Variants in PRKN observed in about 807,000 individuals in gnomAD.
The protein encoded by PRKN is parkin RBR E3 ubiquitin protein ligase, also known as E3 ubiquitin-protein ligase parkin.
Under a neutral mutation model 59.5 loss-of-function variants are expected in PRKN, and 56 were observed. The observed-to-expected ratio is 0.94, with a 90% confidence interval of 0.76 to 1.18. The LOEUF (loss-of-function observed/expected upper bound fraction) is 1.18. PRKN is among the 50% of genes most tolerant of loss of function. PRKN has a pLI of 0.00. For synonymous variants in PRKN, 250 were observed against 222.1 expected, an observed-to-expected ratio of 1.13 and a Z score of -1.12; for missense variants, 657 against 596.4, an observed-to-expected ratio of 1.10 and a Z score of -1.06.
chr6:161,849,157 T>G (rs1340855207), intron 6 of PRKN, among the ~76,000 whole-genome samples: 1 of 152,200 alleles, frequency 6.6e-6, no homozygotes, highest in Non-Finnish European at 1.5e-5. Context: ...CTCCTCTTCC[T>G]TCTTTTTCTT....
chr6:161,833,229 C>A (rs889712464), intron 6 of PRKN, among the ~76,000 whole-genome samples: 2 of 151,344 alleles, frequency 1.3e-5, no homozygotes, highest in Non-Finnish European at 2.9e-5. Context: ...CCTAAGAAGC[C>A]GTGATCCCTG....
chr6:162,635,676 T>C (rs570162659), intron 1 of PRKN, among the ~76,000 whole-genome samples: 14 of 152,302 alleles, frequency 9.2e-5, no homozygotes, highest in Admixed American at 7.2e-4. Flanking sequence ...ACTGTCATTA[T>C]GATTTAAGAG....
intron 9 of PRKN, among the ~76,000 whole-genome samples, chr6:161,496,782 G>C (rs1391764721): frequency 6.6e-6 from 1 of 152,190 alleles, no homozygotes; most frequent in East Asian, 1.9e-4. Flanking sequence ...AAGAAGAGGA[G>C]GGAGACACAG....
At chr6:162,578,794 G>A (rs1780664208) in intron 1 of PRKN, among the ~76,000 whole-genome samples, 1 of 152,028 alleles carries the variant, frequency 6.6e-6, no homozygotes, top group African/African-American at 2.4e-5. Flanking sequence ...TCATCAAAAT[G>A]CAAAATTTCT....
chr6:162,447,997 C>G (rs1790404447), intron 1 of PRKN, among the ~76,000 whole-genome samples: 1 of 152,172 alleles, frequency 6.6e-6, no homozygotes, highest in South Asian at 2.1e-4. Flanking sequence ...CAAATAACAT[C>G]ATGTGATGCC....
chr6:162,707,442 G>C (rs1778376373), intron 1 of PRKN, among the ~76,000 whole-genome samples: 1 of 151,992 alleles, frequency 6.6e-6, no homozygotes, highest in Non-Finnish European at 1.5e-5. Flanking sequence ...GCAGGAAAAA[G>C]GACACACATT....
At chr6:162,320,724 A>C (rs1383006082) in intron 2 of PRKN, among the ~76,000 whole-genome samples, 2 of 151,812 alleles carry the variant, frequency 1.3e-5, no homozygotes, top group Non-Finnish European at 2.9e-5. Context: ...TTCCACTCTT[A>C]GGTATTACCC....
At chr6:162,276,094 GCTT>G (rs1158232197) in intron 2 of PRKN, among the ~76,000 whole-genome samples, 40 of 152,124 alleles carry the variant, frequency 2.6e-4, no homozygotes, top group Admixed American at 6.6e-4. Context: ...ACGTCTGTCA[GCTT>G]TTTCAGTGAC....
chr6:161,714,606 A>G (rs1444047519), intron 7 of PRKN, among the ~76,000 whole-genome samples: 1 of 152,324 alleles, frequency 6.6e-6, no homozygotes, highest in East Asian at 1.9e-4. Flanking sequence ...ACAGACTAAG[A>G]CAGGGAGTGT....
intron 6 of PRKN, among the ~76,000 whole-genome samples, chr6:161,820,244 C>T (rs1791965815): frequency 6.6e-6 from 1 of 151,860 alleles, no homozygotes; most frequent in Non-Finnish European, 1.5e-5. Flanking sequence ...AATGGGTTCA[C>T]TCATACATTG....
chr6:162,720,169 T>G (rs925713569), intron 1 of PRKN, among the ~76,000 whole-genome samples: 2 of 152,162 alleles, frequency 1.3e-5, no homozygotes, highest in Admixed American at 6.5e-5. Context: ...TCAACAATTA[T>G]GTAAATAAAT....
At chr6:162,144,468 T>C (rs1781921981) in intron 4 of PRKN, among the ~76,000 whole-genome samples, 1 of 152,086 alleles carries the variant, frequency 6.6e-6, no homozygotes, top group African/African-American at 2.4e-5. Flanking sequence ...AACTTACAGA[T>C]GAGATCGAGG....
At chr6:162,579,718 A>C (rs1387307445) in intron 1 of PRKN, among the ~76,000 whole-genome samples, 1 of 152,074 alleles carries the variant, frequency 6.6e-6, no homozygotes, top group Non-Finnish European at 1.5e-5. Flanking sequence ...TCACACACAC[A>C]AAATCACACA....
At chr6:162,065,885 G>C (rs1778317590) in intron 4 of PRKN, among the ~76,000 whole-genome samples, 1 of 152,120 alleles carries the variant, frequency 6.6e-6, no homozygotes, top group Admixed American at 6.6e-5. Flanking sequence ...CCATGTCTCT[G>C]CAAAGGACAT....
intron 4 of PRKN, among the ~76,000 whole-genome samples, chr6:162,156,691 T>C (rs2849585): frequency 0.94 from 142,750 of 152,190 alleles, 67,453 homozygotes; most frequent in Non-Finnish European, 1. Context: ...TCCACTGACT[T>C]AAAAGTTAAT....
In PRKN at chr6:161,373,822, A is replaced by G. The variant is rs562131031; in HGVS notation, c.1167+12972T>C. Among the ~76,000 whole-genome samples, 10 of 152,118 alleles carry G rather than the reference A, an allele frequency of 6.6e-5. No homozygotes were observed. Among genetic ancestry groups the G allele is most frequent in the African/African-American group, 2.4e-4 (10 of 41,502 alleles). On this transcript the variant is annotated intron_variant, in intron 10 of 11. Coordinates refer to ENST00000366898, the MANE Select transcript of PRKN (RefSeq NM_004562.3). The surrounding 1 kb of genome is among the most constrained non-coding windows in gnomAD (Gnocchi z 4.8). ...CTGCCAGCCCCGTTTTTAATGAAGG[A>G]ATTATGGGGGCCAGGATCCAGCTGT...
chr6:161,733,103 G>C (rs948422731), intron 7 of PRKN, among the ~76,000 whole-genome samples: 7 of 152,124 alleles, frequency 4.6e-5, no homozygotes, highest in African/African-American at 1.7e-4. Flanking sequence ...ATGCTACTGG[G>C]TATATGAGGT....
At chr6:162,608,385 G>GA (rs1782006536) in intron 1 of PRKN, among the ~76,000 whole-genome samples, 1 of 152,174 alleles carries the variant, frequency 6.6e-6, no homozygotes, top group Non-Finnish European at 1.5e-5. Context: ...TCAAGGACAG[G>GA]AAAGGAAGCA....
intron 1 of PRKN, among the ~76,000 whole-genome samples, chr6:162,570,042 T>C (rs1256014500): frequency 6.6e-6 from 1 of 152,214 alleles, no homozygotes; most frequent in Non-Finnish European, 1.5e-5. Context: ...GAGAACATAT[T>C]TGCAAACCCT....
Sources: allele counts gnomAD v4.1 joint callset (sites outside exome capture counted in the v4.1 genomes callset), GRCh38; gene constraint gnomAD v4.1.1; non-coding constraint Gnocchi (gnomAD v3.1); transcripts MANE v1.5; gene names NCBI Gene and HGNC (gene_info 2026-07-23, HGNC 2026-07-21).